The following SKAP2 variants were observed in gnomAD, a reference collection of about 807,000 sequenced individuals.
SKAP2 encodes src kinase associated phosphoprotein 2.
In SKAP2, 28 loss-of-function variants were observed where a neutral mutation model predicts 54.9. The ratio of observed to expected loss-of-function variants is 0.51; its 90% CI spans 0.38 to 0.70. The LOEUF is 0.70. SKAP2 is among the 30% of genes least tolerant of loss of function. The probability of loss-of-function intolerance (pLI) is 0.00; values close to 1 mark genes in which losing one functional copy is unlikely to be tolerated. For missense variants in SKAP2, 356 were observed against 424.1 expected, an observed-to-expected ratio of 0.84 and a Z score of 1.41; for synonymous variants, 137 against 134.3, an observed-to-expected ratio of 1.02 and a Z score of -0.14.
At chr7:26,862,826 T>C (rs1298362307) in intron 1 of SKAP2, among the ~76,000 whole-genome samples, 1 of 152,106 alleles carries the variant, frequency 6.6e-6, no homozygotes. Flanking sequence ...GTCTATATGT[T>C]ATTTCTTAAA....
intron 3 of SKAP2, among the ~76,000 whole-genome samples, chr7:26,851,719 T>TAA (rs5883051): frequency 6.8e-5 from 9 of 132,756 alleles, no homozygotes; most frequent in Non-Finnish European, 1.3e-4. Context: ...GTATAATAAT[T>TAA]AAAAAAAAAA....
intron 4 of SKAP2, among the ~76,000 whole-genome samples, chr7:26,789,884 C>T (rs1171296949): frequency 6.6e-6 from 1 of 152,160 alleles, no homozygotes; most frequent in Non-Finnish European, 1.5e-5. Context: ...TATATGGTTG[C>T]TCTGTGACCA....
intron 4 of SKAP2, among the ~76,000 whole-genome samples, chr7:26,841,785 T>C (rs1350557542): frequency 1.3e-5 from 2 of 151,982 alleles, no homozygotes; most frequent in Admixed American, 6.6e-5. Flanking sequence ...AAAATACATA[T>C]CATGTTTAGA....
At chr7:26,791,183 G>C (rs1198615354) in intron 4 of SKAP2, among the ~76,000 whole-genome samples, 2 of 152,100 alleles carry the variant, frequency 1.3e-5, no homozygotes, top group Non-Finnish European at 2.9e-5. Flanking sequence ...ATGACAAAAA[G>C]AAATAATAAT....
At chr7:26,775,215 A>C (rs895863776) in intron 4 of SKAP2, among the ~76,000 whole-genome samples, 4 of 151,998 alleles carry the variant, frequency 2.6e-5, no homozygotes, top group Non-Finnish European at 5.9e-5. Context: ...TGGCATCTCA[A>C]TCTCTCCTTC....
At chr7:26,827,413 T>C (rs1784514512) in intron 4 of SKAP2, among the ~76,000 whole-genome samples, 1 of 152,192 alleles carries the variant, frequency 6.6e-6, no homozygotes, top group Non-Finnish European at 1.5e-5. Context: ...ATAATTAATA[T>C]CTGATTATGA....
intron 1 of SKAP2, chr7:26,857,515 G>A (rs1338782396): frequency 1.0e-6 from 1 of 985,170 alleles, no homozygotes; most frequent in Non-Finnish European, 1.2e-6. Flanking sequence ...AGACGTGCCG[G>A]TGGCGTTCGG....
chr7:26,679,555 G>C (rs1393997675), intron 11 of SKAP2, among the ~76,000 whole-genome samples: 1 of 152,136 alleles, frequency 6.6e-6, no homozygotes, highest in Non-Finnish European at 1.5e-5. Flanking sequence ...TTATCAAAAG[G>C]CTATAAAATA....
At chr7:26,837,023 G>A (rs530332209) in intron 4 of SKAP2, among the ~76,000 whole-genome samples, 3 of 152,148 alleles carry the variant, frequency 2.0e-5, no homozygotes, top group Middle Eastern at 3.2e-3. Flanking sequence ...GGATGAGTTC[G>A]TGTCCTTTGC....
downstream of SKAP2, among the ~76,000 whole-genome samples, chr7:26,663,155 C>G (rs928627786): frequency 6.6e-6 from 1 of 152,120 alleles, no homozygotes; most frequent in Non-Finnish European, 1.5e-5. Context: ...TTTCAAAGAA[C>G]TCTACAGAAT....
chr7:26,706,689 G>A (rs1175091097), intron 9 of SKAP2, among the ~76,000 whole-genome samples: 1 of 152,122 alleles, frequency 6.6e-6, no homozygotes, highest in Non-Finnish European at 1.5e-5. Context: ...AATGAAAAGT[G>A]CAAAAACTGG....
Position 26,770,947 on chromosome 7 carries a change from A to G in SKAP2, c.308-30983T>C, listed in dbSNP as rs1427965936. 7.2e-5 allele frequency among the ~76,000 whole-genome samples: 11 copies of G among 152,150 alleles called. No homozygotes were observed. In the East Asian group the frequency reaches 2.1e-3, roughly 29 times the overall value. ...ACTACATAACTTTTATACATGTCTG[A>G]GAAAAAAAAAACTAAAAGTGGAGAC... On this transcript the variant is annotated intron_variant, in intron 4 of 12. Coordinates refer to ENST00000345317, the MANE Select transcript of SKAP2 (RefSeq NM_003930.5).
intron 4 of SKAP2, among the ~76,000 whole-genome samples, chr7:26,797,489 G>A (rs552033586): frequency 3.0e-4 from 45 of 152,274 alleles, no homozygotes; most frequent in African/African-American, 1.0e-3. Flanking sequence ...ACTTGGCTAG[G>A]GGTGCTCCCT....
intron 1 of SKAP2, 149 bp downstream of exon 1, chr7:26,864,214 T>TC (rs1261439969): frequency 1.1e-6 from 1 of 880,486 alleles, no homozygotes; most frequent in African/African-American, 1.7e-5. Context: ...ACAACCCCTC[T>TC]CCTCTCCTCC....
chr7:26,748,623 TA>T (rs1782610746), intron 4 of SKAP2, among the ~76,000 whole-genome samples: 1 of 152,044 alleles, frequency 6.6e-6, no homozygotes, highest in Non-Finnish European at 1.5e-5. Flanking sequence ...TTCTGAAAAA[TA>T]ATAGCCTTTT....
intron 4 of SKAP2, among the ~76,000 whole-genome samples, chr7:26,822,707 C>T (rs1308098660): frequency 6.7e-6 from 1 of 149,728 alleles, no homozygotes; most frequent in African/African-American, 2.5e-5. Flanking sequence ...AACCCCGTCT[C>T]TACTAAAAAT....
Position 26,844,181 on chromosome 7 carries a change from A to T in SKAP2, c.200-44T>A, listed in dbSNP as rs372156294. On this transcript the variant is annotated intron_variant, in intron 3 of 12. Coordinates refer to ENST00000345317, the MANE Select transcript of SKAP2 (RefSeq NM_003930.5). Reference sequence around the variant, plus strand: ...ATCAGAGAACTGCCTTTTATACTTTAGCCATTTAAAGTAATGTTACTTAAT... The same window carrying T: ...ATCAGAGAACTGCCTTTTATACTTTTGCCATTTAAAGTAATGTTACTTAAT... The T allele has an allele frequency of 3.5e-6, 4 of 1,137,238 alleles. No individual in the cohort carries two copies. In the African/African-American group the frequency reaches 6.1e-5, roughly 17 times the overall value. The allele number at this position is 1,137,238 out of a possible 1,614,324, so 70.4% of individuals were successfully genotyped here. A position where few individuals can be genotyped will look rare whatever the true frequency, so the allele number is the denominator to read the frequency against.
At chr7:26,706,650 C>T (rs2127948190) in intron 9 of SKAP2, among the ~76,000 whole-genome samples, 1 of 152,226 alleles carries the variant, frequency 6.6e-6, no homozygotes, top group South Asian at 2.1e-4. Context: ...ACTTCTGTCA[C>T]ATAATGTTTA....
chr7:26,849,536 T>A (rs1784995407), intron 3 of SKAP2, among the ~76,000 whole-genome samples: 1 of 151,728 alleles, frequency 6.6e-6, no homozygotes, highest in African/African-American at 2.4e-5. Context: ...ATACAAAAAA[T>A]TAGCCAGGCG....
Sources: gnomAD v4.1 joint callset for allele counts (sites outside exome capture counted in the v4.1 genomes callset) on GRCh38, gnomAD v4.1.1 for gene constraint, MANE v1.5 for transcripts, NCBI Gene and HGNC (gene_info 2026-07-23, HGNC 2026-07-21) for gene names.